SPATA6: variants seen among roughly 807,000 people sequenced by gnomAD.
The protein encoded by SPATA6 is spermatogenesis associated 6.
Under a neutral mutation model 65.3 loss-of-function variants are expected in SPATA6, and 56 were observed. The observed-to-expected ratio is 0.86, with a 90% CI of 0.69 to 1.07. The LOEUF (loss-of-function observed/expected upper bound fraction) is 1.07. Among genes scored for constraint, SPATA6 ranks in the 50% least tolerant of loss-of-function variants. The pLI, the probability that SPATA6 is intolerant of heterozygous loss-of-function variation, is 0.00. For missense variants in SPATA6, 590 were observed against 594.8 expected (o/e 0.99, Z 0.08); for synonymous variants, 199 against 213.2 (o/e 0.93, Z 0.58).
At chr1:48,291,553 C>T (rs926856550), downstream of SPATA6, among the ~76,000 whole-genome samples, 11 of 151,898 alleles carry the variant, frequency 7.2e-5, no homozygotes, top group East Asian at 1.9e-3. Flanking sequence ...ACACAGCCCG[C>T]AGACGAAAAG....
intron 11 of SPATA6, among the ~76,000 whole-genome samples, chr1:48,322,814 G>A (rs895908061): frequency 1.3e-5 from 2 of 152,128 alleles, no homozygotes; most frequent in African/African-American, 4.8e-5. Context: ...ACAAACTTAT[G>A]AAAAAATGCT....
intron 3 of SPATA6, among the ~76,000 whole-genome samples, chr1:48,450,147 T>C (rs1325680861): frequency 6.6e-6 from 1 of 151,562 alleles, no homozygotes; most frequent in African/African-American, 2.4e-5. Context: ...AACATGGAAG[T>C]AATTGGAGGA....
chr1:48,441,719 C>T (rs901765209), intron 3 of SPATA6, among the ~76,000 whole-genome samples: 2 of 152,118 alleles, frequency 1.3e-5, no homozygotes, highest in Admixed American at 6.5e-5. Flanking sequence ...CAGTGGCATA[C>T]CTAAGTAAGG....
chr1:48,376,570 C>T (rs563265937), intron 9 of SPATA6, among the ~76,000 whole-genome samples: 3 of 150,232 alleles, frequency 2.0e-5, no homozygotes, highest in Admixed American at 6.6e-5. Flanking sequence ...TGGGATCTTG[C>T]TAATTTTTAA....
chr1:48,362,832 C>T (rs142788125), intron 9 of SPATA6, among the ~76,000 whole-genome samples: 157 of 152,132 alleles, frequency 1.0e-3, no homozygotes, highest in African/African-American at 3.7e-3. Flanking sequence ...AATAGTTGGG[C>T]TATTTCTATA....
chr1:48,413,300 T>A (rs923429129), intron 3 of SPATA6, 149 bp from the exon 4 acceptor site: 1 of 232,556 alleles, frequency 4.3e-6, no homozygotes, highest in Admixed American at 5.9e-5. Flanking sequence ...CACTTCTTTT[T>A]TTTTTTTTGA....
At chr1:48,456,495 TG>T (rs199562178) in intron 1 of SPATA6, among the ~76,000 whole-genome samples, 2 of 150,614 alleles carry the variant, frequency 1.3e-5, no homozygotes, top group Non-Finnish European at 3.0e-5. Flanking sequence ...AGCCTATACA[TG>T]GGGGAAAAAA....
At chr1:48,357,135 A>C (rs1646684073) in intron 10 of SPATA6, among the ~76,000 whole-genome samples, 1 of 152,142 alleles carries the variant, frequency 6.6e-6, no homozygotes, top group Admixed American at 6.6e-5. Flanking sequence ...TTCATTTATA[A>C]AACTCAAAAC....
intron 3 of SPATA6, among the ~76,000 whole-genome samples, chr1:48,443,871 G>A (rs1341574756): frequency 2.0e-5 from 3 of 152,114 alleles, no homozygotes; most frequent in South Asian, 2.1e-4. Flanking sequence ...AGGCCATCAA[G>A]CTACAGATGG....
intron 3 of SPATA6, among the ~76,000 whole-genome samples, chr1:48,439,094 A>C (rs1415146331): frequency 5.3e-5 from 8 of 152,116 alleles, no homozygotes; most frequent in African/African-American, 1.9e-4. Context: ...TTGGGGCATA[A>C]CATCTTTATA....
intron 3 of SPATA6, among the ~76,000 whole-genome samples, chr1:48,450,629 G>A (rs1253462317): frequency 6.6e-6 from 1 of 152,010 alleles, no homozygotes; most frequent in East Asian, 1.9e-4. Flanking sequence ...TAACACCAAG[G>A]GCTAGAACAG....
intron 9 of SPATA6, among the ~76,000 whole-genome samples, chr1:48,360,058 G>A (rs1316619097): frequency 6.6e-6 from 1 of 152,090 alleles, no homozygotes; most frequent in African/African-American, 2.4e-5. Context: ...AGGGATGTGT[G>A]TATCTAAAAC....
At chr1:48,458,810 T>A (rs1253054410) in intron 1 of SPATA6, among the ~76,000 whole-genome samples, 1 of 152,248 alleles carries the variant, frequency 6.6e-6, no homozygotes, top group Non-Finnish European at 1.5e-5. Flanking sequence ...TACTAACAGA[T>A]ACAGGATTTT....
In SPATA6 at chr1:48,399,376, T is replaced by A; in HGVS notation, c.755A>T (p.Asp252Val). ...ATGTCTAATCACAAATGGAGGTTTA[T>A]CTGTTTCTTTTTTGAACTCATAGGG... ...LGPYEFKKET[D>V]KPPFVIRHVD... The change falls in exon 7 of 13, where the codon GAT (aspartate) becomes GTT (valine). Residue 252 changes from aspartate to valine, a missense_variant. Transcript: ENST00000371847. 1 of 1,612,812 alleles carries A rather than the reference T, an allele frequency of 6.2e-7. No homozygotes were observed. The highest frequency in any genetic ancestry group is 1.1e-5 in the South Asian group (1 of 90,996).
At chr1:48,291,234 A>G (rs1366043008), downstream of SPATA6, among the ~76,000 whole-genome samples, 1 of 152,202 alleles carries the variant, frequency 6.6e-6, no homozygotes, top group African/African-American at 2.4e-5. Context: ...GGCACTTTCA[A>G]AAGCATATCA....
rs540187517 is a variant in SPATA6 at position 48,452,178 on chromosome 1, G to A, written c.190-578C>T. 5.3e-5 allele frequency among the ~76,000 whole-genome samples: 8 copies of A among 151,866 alleles called. No homozygotes were observed. In the South Asian group the frequency reaches 1.2e-3, roughly 24 times the overall value. Reference sequence around the variant, plus strand: ...GTTTACCATGTGTCCTCAGTGCCTAGAAAAGTCCACAGAATAGAGTAGGTT... The same window carrying A: ...GTTTACCATGTGTCCTCAGTGCCTAAAAAAGTCCACAGAATAGAGTAGGTT... On this transcript the variant is annotated intron_variant, in intron 2 of 12. Coordinates refer to ENST00000371847, the MANE Select transcript of SPATA6 (RefSeq NM_019073.4).
At chr1:48,340,596 TAAAA>T (rs1194558461) in intron 11 of SPATA6, among the ~76,000 whole-genome samples, 1 of 150,434 alleles carries the variant, frequency 6.6e-6, no homozygotes, top group Non-Finnish European at 1.5e-5. Flanking sequence ...AAGTTAGAAA[TAAAA>T]AAAGAACAAA....
chr1:48,285,158 G>A, the SPATA6 span, among the ~76,000 whole-genome samples: 2,673 of 152,214 alleles, frequency 0.018, 75 homozygotes, highest in African/African-American at 0.062. Flanking sequence ...AGGCACTCTG[G>A]TTACAGCAGT....
intron 11 of SPATA6, among the ~76,000 whole-genome samples, chr1:48,311,900 A>G (rs553843231): frequency 1.3e-5 from 2 of 152,318 alleles, no homozygotes; most frequent in South Asian, 4.1e-4. Context: ...GGTCTTAGCA[A>G]ACGGCACACC....
Sources: gnomAD v4.1 joint callset for allele counts (sites outside exome capture counted in the v4.1 genomes callset) on GRCh38, gnomAD v4.1.1 for gene constraint, MANE v1.5 for transcripts, NCBI Gene and HGNC (gene_info 2026-07-23, HGNC 2026-07-21) for gene names.